Variants in SGCD observed in about 807,000 individuals in gnomAD.
The protein encoded by SGCD is sarcoglycan delta.
Under a neutral mutation model 36.6 loss-of-function variants are expected in SGCD, and 18 were observed. That is an observed-to-expected ratio of 0.49 (90% confidence interval 0.34 to 0.73). The LOEUF is 0.73. Ranked by LOEUF, SGCD falls within the 30% of genes least tolerant of loss-of-function variation. The pLI, the probability that SGCD is intolerant of heterozygous loss-of-function variation, is 0.01. For missense variants in SGCD, 387 were observed against 346.7 expected (o/e 1.12, Z -0.92); for synonymous variants, 133 against 130.6 (o/e 1.02, Z -0.12).
At position 156,759,262 on chromosome 5, in the gene SGCD, G is replaced by A; in HGVS notation, c.745G>A (p.Gly249Arg). 1 of 1,613,716 alleles carries A rather than the reference G, an allele frequency of 6.2e-7. No individual in the cohort carries two copies. Among genetic ancestry groups the A allele is most frequent in the East Asian group, 2.2e-5 (1 of 44,870 alleles). ...AKIRLPRLPH[G>R]SYTPTGTRQK... ...AATCAGGCTACCTAGACTGCCTCAT[G>A]GATCCTACACGCCTACAGGAACGAG... is the stretch of plus-strand genomic sequence containing the variant. The change falls in exon 9 of 9, where the codon GGA becomes AGA. Residue 249 changes from glycine (G) to arginine (R), a missense_variant. Physicochemically the swap from Gly to Arg is moderately radical, Grantham distance 125. Transcript: ENST00000337851.
intron 3 of SGCD, among the ~76,000 whole-genome samples, chr5:156,467,496 T>C (rs1754767720): frequency 6.6e-6 from 1 of 152,134 alleles, no homozygotes; most frequent in Non-Finnish European, 1.5e-5. Flanking sequence ...TATGGAAAAA[T>C]AAAGCACTAA....
chr5:156,031,187 T>C (rs1759342377), intron 1 of SGCD, among the ~76,000 whole-genome samples: 1 of 152,210 alleles, frequency 6.6e-6, no homozygotes, highest in Non-Finnish European at 1.5e-5. Flanking sequence ...ATTCCTGTGC[T>C]CCATCCTTGG....
intron 3 of SGCD, among the ~76,000 whole-genome samples, chr5:156,366,587 T>G (rs1202176085): frequency 6.6e-6 from 1 of 152,162 alleles, no homozygotes; most frequent in Non-Finnish European, 1.5e-5. Context: ...GAAATACATG[T>G]GATTACTATG....
At chr5:156,006,193 A>AT (rs1758758807) in intron 1 of SGCD, among the ~76,000 whole-genome samples, 1 of 152,178 alleles carries the variant, frequency 6.6e-6, no homozygotes, top group Non-Finnish European at 1.5e-5. Flanking sequence ...AACCATTTTG[A>AT]TCACATGTAG....
At chr5:155,928,406 G>C (rs982745107) in intron 1 of SGCD, among the ~76,000 whole-genome samples, 3 of 152,116 alleles carry the variant, frequency 2.0e-5, no homozygotes, top group African/African-American at 7.2e-5. Flanking sequence ...GGTGCCTCAT[G>C]CCTATAATCC....
At chr5:156,152,574 T>A (rs752818676) in intron 3 of SGCD, among the ~76,000 whole-genome samples, 4 of 151,696 alleles carry the variant, frequency 2.6e-5, no homozygotes, top group Admixed American at 6.6e-5. Flanking sequence ...TTAACAACTT[T>A]ATTGAGATAT....
At chr5:156,628,206 A>G (rs890578107) in intron 6 of SGCD, among the ~76,000 whole-genome samples, 1 of 152,118 alleles carries the variant, frequency 6.6e-6, no homozygotes, top group African/African-American at 2.4e-5. Context: ...CAGGGGGAAA[A>G]TACTAAAACA....
At chr5:156,090,693 G>A (rs920659749) in intron 1 of SGCD, among the ~76,000 whole-genome samples, 6 of 152,150 alleles carry the variant, frequency 3.9e-5, no homozygotes, top group Admixed American at 1.3e-4. Context: ...AAGCCTGAGG[G>A]CACTGCAGGA....
At chr5:156,394,924 C>T (rs1050221952) in intron 3 of SGCD, among the ~76,000 whole-genome samples, 9 of 152,176 alleles carry the variant, frequency 5.9e-5, no homozygotes, top group African/African-American at 2.2e-4. Context: ...CTAGAACAGG[C>T]TTACATAATC....
At chr5:156,485,783 C>A (rs970686317) in intron 3 of SGCD, among the ~76,000 whole-genome samples, 1 of 152,116 alleles carries the variant, frequency 6.6e-6, no homozygotes, top group Admixed American at 6.5e-5. Context: ...CACTGAAACT[C>A]AGCAGGGAAG....
chr5:156,159,774 A>T (rs1283343782), intron 3 of SGCD, among the ~76,000 whole-genome samples: 1 of 151,686 alleles, frequency 6.6e-6, no homozygotes, highest in East Asian at 1.9e-4. Flanking sequence ...TACATAATTG[A>T]AATCCATTGT....
chr5:156,715,830 C>G (rs1281320641), intron 7 of SGCD, among the ~76,000 whole-genome samples: 2 of 152,146 alleles, frequency 1.3e-5, no homozygotes, highest in African/African-American at 4.8e-5. Flanking sequence ...AGAGCAAGTA[C>G]TTTTCTGAGA....
chr5:156,046,992 A>C (rs1759781750), intron 1 of SGCD, among the ~76,000 whole-genome samples: 1 of 152,168 alleles, frequency 6.6e-6, no homozygotes, highest in African/African-American at 2.4e-5. Context: ...GATTAAAACA[A>C]AAAAAGAAAG....
At chr5:156,070,103 C>T (rs901447188) in intron 1 of SGCD, among the ~76,000 whole-genome samples, 2 of 149,592 alleles carry the variant, frequency 1.3e-5, no homozygotes, top group African/African-American at 5.1e-5. Flanking sequence ...TCCTCTTTTC[C>T]TAATTGGATA....
intron 3 of SGCD, among the ~76,000 whole-genome samples, chr5:156,214,204 AC>A (rs1354793151): frequency 6.6e-6 from 1 of 151,910 alleles, no homozygotes; most frequent in Admixed American, 6.6e-5. Context: ...TACACAGAAA[AC>A]CCTCAAGACT....
chr5:155,943,445 A>G (rs1757374126), intron 1 of SGCD, among the ~76,000 whole-genome samples: 1 of 152,164 alleles, frequency 6.6e-6, no homozygotes, highest in Admixed American at 6.5e-5. Context: ...AAAATTTAGT[A>G]AGCACCTACT....
At chr5:155,738,856 AGAGT>A in the SGCD span, among the ~76,000 whole-genome samples, 2 of 134,310 alleles carry the variant, frequency 1.5e-5, no homozygotes, top group South Asian at 5.1e-4. Context: ...TATGTATATG[AGAGT>A]GTGTGAGTGC....
chr5:156,147,631 A>G (rs531563161), intron 3 of SGCD, among the ~76,000 whole-genome samples: 2 of 152,366 alleles, frequency 1.3e-5, no homozygotes, highest in Admixed American at 6.5e-5. Context: ...GTTATCAGCT[A>G]TCTTTATAAT....
At chr5:156,455,231 A>G (rs1417463374) in intron 3 of SGCD, among the ~76,000 whole-genome samples, 1 of 152,108 alleles carries the variant, frequency 6.6e-6, no homozygotes, top group East Asian at 1.9e-4. Flanking sequence ...CCCTGCCCAC[A>G]CCATGGTTGG....
Sources: gnomAD v4.1 joint callset for allele counts (sites outside exome capture counted in the v4.1 genomes callset) on GRCh38, gnomAD v4.1.1 for gene constraint, MANE v1.5 for transcripts, NCBI Gene and HGNC (gene_info 2026-07-23, HGNC 2026-07-21) for gene names.